EBPL: variants seen among roughly 807,000 people sequenced by gnomAD.
EBPL encodes the protein emopamil-binding protein-like.
EBPL carries 20 observed loss-of-function variants against 19.0 expected under a neutral mutation model. That is an observed-to-expected ratio of 1.05 (90% confidence interval 0.74 to 1.53). The LOEUF (loss-of-function observed/expected upper bound fraction) is 1.53. Among genes scored for constraint, EBPL ranks in the 40% most tolerant of loss-of-function variants. The pLI is 0.00. For missense variants in EBPL, 219 were observed against 261.1 expected (o/e 0.84, Z 1.11); for synonymous variants, 107 against 117.0 (o/e 0.91, Z 0.55).
At chr13:49,688,516 G>A (rs955379941) in intron 1 of EBPL, among the ~76,000 whole-genome samples, 7 of 152,142 alleles carry the variant, frequency 4.6e-5, no homozygotes, top group African/African-American at 9.6e-5. Context: ...TCAGGAGATC[G>A]AGACCATCCT....
Position 49,663,824 on chromosome 13 carries a change from C to A in EBPL, c.242-629G>T, listed in dbSNP as rs190086590. On this transcript the variant is annotated intron_variant, in intron 2 of 3. Transcript: ENST00000242827. ...TGGTGGCGGGCACCTGCAGTCCCAGCTGAGGCAGGAGAATGGCATGAACCC... is the reference window on the plus strand; with the variant it reads ...TGGTGGCGGGCACCTGCAGTCCCAGATGAGGCAGGAGAATGGCATGAACCC... Among the ~76,000 whole-genome samples the A allele has an allele frequency of 3.0e-3, 451 of 152,000 alleles. 1 individual carries two copies. The highest frequency in any genetic ancestry group is 6.1e-3 in the Admixed American group (93 of 15,272).
chr13:49,690,525 T>C (rs972490050), intron 1 of EBPL, among the ~76,000 whole-genome samples: 5 of 151,892 alleles, frequency 3.3e-5, no homozygotes, highest in Non-Finnish European at 7.4e-5. Context: ...GGCATTTCAA[T>C]ATAAATGCCT....
At chr13:49,680,745 C>T (rs1953933629) in intron 1 of EBPL, among the ~76,000 whole-genome samples, 1 of 152,112 alleles carries the variant, frequency 6.6e-6, no homozygotes, top group Non-Finnish European at 1.5e-5. Context: ...TTGCTTGAAC[C>T]AGGGAGGCGG....
chr13:49,686,586 CCACT>C, intron 1 of EBPL: 1 of 1,289,616 alleles, frequency 7.8e-7, no homozygotes, highest in Non-Finnish European at 1.0e-6. Flanking sequence ...GTGGTCTTTC[CCACT>C]CTCTCCTAGG....
intron 1 of EBPL, among the ~76,000 whole-genome samples, chr13:49,679,806 A>T (rs149194338): frequency 0.011 from 1,721 of 152,168 alleles, 17 homozygotes; most frequent in Middle Eastern, 0.017. Context: ...CCTGGCCGAG[A>T]TTGTATTTCT....
intron 1 of EBPL, among the ~76,000 whole-genome samples, chr13:49,681,807 A>G (rs1953946069): frequency 1.3e-5 from 2 of 152,264 alleles, no homozygotes; most frequent in African/African-American, 2.4e-5. Context: ...GGCTGAGTTT[A>G]TATTTGAATG....
At chr13:49,670,930 CAT>C (rs1177537569) in intron 1 of EBPL, among the ~76,000 whole-genome samples, 1 of 152,164 alleles carries the variant, frequency 6.6e-6, no homozygotes, top group Non-Finnish European at 1.5e-5. Context: ...AGACTGATTA[CAT>C]GTCCTTTCTT....
intron 1 of EBPL, among the ~76,000 whole-genome samples, chr13:49,674,105 A>G (rs1247545725): frequency 6.6e-6 from 1 of 152,024 alleles, no homozygotes; most frequent in Non-Finnish European, 1.5e-5. Flanking sequence ...TTATCAAAAT[A>G]GAAAATAACT....
chr13:49,685,884 AG>A (rs886190144), intron 1 of EBPL, among the ~76,000 whole-genome samples: 2 of 151,930 alleles, frequency 1.3e-5, no homozygotes, highest in Admixed American at 1.3e-4. Context: ...AAAAGGGACA[AG>A]AATTAGAGAC....
intron 2 of EBPL, among the ~76,000 whole-genome samples, chr13:49,663,948 A>G (rs1321564247): frequency 7.4e-6 from 1 of 134,344 alleles, no homozygotes; most frequent in Non-Finnish European, 1.6e-5. Context: ...CAAAAAAACA[A>G]ACAACCAAAA....
intron 2 of EBPL, among the ~76,000 whole-genome samples, chr13:49,666,509 G>A (rs1965229495): frequency 6.6e-6 from 1 of 152,018 alleles, no homozygotes; most frequent in Admixed American, 6.6e-5. Flanking sequence ...TCAGGAGTTT[G>A]AGACCAGCTT....
chr13:49,674,617 T>TA (rs11318543), intron 1 of EBPL, among the ~76,000 whole-genome samples: 39,154 of 145,246 alleles, frequency 0.27, 5,593 homozygotes, highest in Non-Finnish European at 0.32. Context: ...TGTCAGGACT[T>TA]AAAAAAAAAA....
At chr13:49,685,306 G>A (rs1221506940) in intron 1 of EBPL, among the ~76,000 whole-genome samples, 1 of 152,126 alleles carries the variant, frequency 6.6e-6, no homozygotes, top group Non-Finnish European at 1.5e-5. Flanking sequence ...AAATACTTTA[G>A]TATATGATAA....
At chr13:49,678,158 C>T (rs1953898070) in intron 1 of EBPL, among the ~76,000 whole-genome samples, 1 of 152,196 alleles carries the variant, frequency 6.6e-6, no homozygotes, top group South Asian at 2.1e-4. Flanking sequence ...CTGTTTGGTG[C>T]GTTTACGAAC....
intron 1 of EBPL, among the ~76,000 whole-genome samples, chr13:49,683,541 ACAAACAAAAAAAAC>A (rs1160579591): frequency 1.2e-5 from 1 of 86,208 alleles, no homozygotes; most frequent in Admixed American, 1.3e-4. Context: ...AAACAAACAA[ACAAACAAAAAAAAC>A]AAAAACAAAA....
At chr13:49,674,587 C>CTT (rs10683884) in intron 1 of EBPL, among the ~76,000 whole-genome samples, 3,920 of 139,532 alleles carry the variant, frequency 0.028, 185 homozygotes, top group African/African-American at 0.093. Context: ...AATGAATGGG[C>CTT]TTTTTTTTTT....
intron 1 of EBPL, among the ~76,000 whole-genome samples, chr13:49,678,218 A>G (rs1463547088): frequency 6.6e-6 from 1 of 152,222 alleles, no homozygotes; most frequent in Non-Finnish European, 1.5e-5. Context: ...TCCTTTAGCT[A>G]GACACAACAG....
intron 1 of EBPL, among the ~76,000 whole-genome samples, chr13:49,690,452 T>C (rs1299837702): frequency 6.7e-6 from 1 of 148,684 alleles, no homozygotes; most frequent in Non-Finnish European, 1.5e-5. Context: ...TACTTGGGCA[T>C]AGTTTAAAAA....
intron 1 of EBPL, among the ~76,000 whole-genome samples, chr13:49,673,648 G>A (rs989882585): frequency 2.6e-5 from 4 of 152,124 alleles, no homozygotes; most frequent in African/African-American, 7.2e-5. Context: ...TGTTGGCCAG[G>A]CTGGTCTCGA....
Sources: allele counts gnomAD v4.1 joint callset (sites outside exome capture counted in the v4.1 genomes callset), GRCh38; gene constraint gnomAD v4.1.1; transcripts MANE v1.5; gene names NCBI Gene and HGNC (gene_info 2026-07-23, HGNC 2026-07-21).